The following HPSE2 variants were observed in gnomAD, a reference collection of about 807,000 sequenced individuals.
HPSE2 encodes inactive heparanase-2.
A neutral mutation model predicts 60.5 loss-of-function variants in HPSE2; 38 were observed. The ratio of observed to expected loss-of-function variants is 0.63; its 90% CI spans 0.48 to 0.82. The LOEUF is 0.82. HPSE2 is among the 40% of genes least tolerant of loss of function. HPSE2 has a pLI of 0.00. For synonymous variants in HPSE2, 295 were observed against 293.2 expected (o/e 1.01, Z -0.06); for missense variants, 713 against 740.4 (o/e 0.96, Z 0.43).
At chr10:98,832,228 G>C (rs763151933) in intron 3 of HPSE2, among the ~76,000 whole-genome samples, 2 of 152,188 alleles carry the variant, frequency 1.3e-5, no homozygotes, top group Non-Finnish European at 2.9e-5. Flanking sequence ...TCCAGAAACT[G>C]TAAAGGACTT....
intron 2 of HPSE2, among the ~76,000 whole-genome samples, chr10:99,184,817 T>C (rs2805370): frequency 0.018 from 316 of 17,196 alleles, 64 homozygotes; most frequent in South Asian, 0.049. Context: ...TATATATATA[T>C]ATAGAGAGAG....
chr10:98,709,447 A>G (rs983108190), intron 5 of HPSE2, among the ~76,000 whole-genome samples: 2 of 152,202 alleles, frequency 1.3e-5, no homozygotes, highest in Non-Finnish European at 2.9e-5. Flanking sequence ...TCCATAGCTG[A>G]ATTATGGTGA....
intron 3 of HPSE2, among the ~76,000 whole-genome samples, chr10:99,098,888 C>G (rs992834649): frequency 1.3e-5 from 2 of 152,122 alleles, no homozygotes; most frequent in African/African-American, 2.4e-5. Flanking sequence ...TAAACTAGTA[C>G]ATAAAGAGCA....
chr10:98,590,170 T>C (rs900489232), intron 9 of HPSE2, among the ~76,000 whole-genome samples: 21 of 152,220 alleles, frequency 1.4e-4, no homozygotes, highest in Non-Finnish European at 1.8e-4. Context: ...CGCCCAGGCG[T>C]GGTGGCTCAT....
At chr10:98,761,526 T>G (rs1425955934) in intron 3 of HPSE2, among the ~76,000 whole-genome samples, 1 of 152,208 alleles carries the variant, frequency 6.6e-6, no homozygotes, top group Admixed American at 6.5e-5. Context: ...ATAAACCTCC[T>G]TCTTCATTTA....
intron 3 of HPSE2, among the ~76,000 whole-genome samples, chr10:98,754,649 C>T (rs2134365266): frequency 6.6e-6 from 1 of 150,920 alleles, no homozygotes; most frequent in African/African-American, 2.4e-5. Flanking sequence ...ATCAGGCAAA[C>T]AGTGGACCTT....
chr10:98,838,241 A>G (rs1951835843), intron 3 of HPSE2, among the ~76,000 whole-genome samples: 1 of 152,150 alleles, frequency 6.6e-6, no homozygotes, highest in Non-Finnish European at 1.5e-5. Flanking sequence ...ATAACCATAG[A>G]CAAATTAATT....
At chr10:98,779,306 T>C (rs1254562613) in intron 3 of HPSE2, among the ~76,000 whole-genome samples, 1 of 152,164 alleles carries the variant, frequency 6.6e-6, no homozygotes, top group African/African-American at 2.4e-5. Flanking sequence ...TCAACTCTCT[T>C]TTCTTTCAAA....
intron 3 of HPSE2, among the ~76,000 whole-genome samples, chr10:99,142,949 C>A (rs913318022): frequency 6.6e-6 from 1 of 151,632 alleles, no homozygotes; most frequent in African/African-American, 2.4e-5. Flanking sequence ...GAAAATATTA[C>A]ACACACACAC....
the HPSE2 span, among the ~76,000 whole-genome samples, chr10:99,305,698 A>G: frequency 2.0e-5 from 3 of 152,112 alleles, no homozygotes; most frequent in African/African-American, 4.8e-5. Flanking sequence ...TATTGGAGTT[A>G]GCAGACCAGG....
intron 3 of HPSE2, among the ~76,000 whole-genome samples, chr10:98,811,525 C>T (rs550270304): frequency 8.6e-5 from 13 of 151,906 alleles, no homozygotes; most frequent in Non-Finnish European, 1.9e-4. Flanking sequence ...AAAGACAGTA[C>T]CTAGGATCAA....
intron 9 of HPSE2, among the ~76,000 whole-genome samples, chr10:98,600,602 A>T (rs1278776275): frequency 6.6e-6 from 1 of 151,950 alleles, no homozygotes; most frequent in Admixed American, 6.6e-5. Context: ...CTCATGGAGA[A>T]GGAGGAAAAA....
chr10:99,278,901 A>G, the HPSE2 span, among the ~76,000 whole-genome samples: 2 of 152,204 alleles, frequency 1.3e-5, no homozygotes, highest in Non-Finnish European at 2.9e-5. Flanking sequence ...GTGTTCTGCA[A>G]TGGAGAATAA....
intron 2 of HPSE2, among the ~76,000 whole-genome samples, chr10:99,180,190 CAT>C (rs1847704003): frequency 6.6e-6 from 1 of 152,158 alleles, no homozygotes; most frequent in Admixed American, 6.5e-5. Context: ...CCATTCAGGA[CAT>C]AGGCATGGGC....
the HPSE2 span, among the ~76,000 whole-genome samples, chr10:99,284,687 G>C: frequency 1.2e-4 from 19 of 152,130 alleles, no homozygotes; most frequent in African/African-American, 4.6e-4. Flanking sequence ...AAAAATATTT[G>C]GGTTTTTTAA....
intron 2 of HPSE2, among the ~76,000 whole-genome samples, chr10:99,188,368 A>G (rs1848104785): frequency 6.6e-6 from 1 of 152,194 alleles, no homozygotes; most frequent in Non-Finnish European, 1.5e-5. Context: ...ATGAATGAAC[A>G]TATTTATCAA....
chr10:98,667,752 A>G (rs540365255), intron 6 of HPSE2, among the ~76,000 whole-genome samples: 12 of 152,226 alleles, frequency 7.9e-5, no homozygotes, highest in Non-Finnish European at 1.5e-4. Context: ...AACCCTCAAC[A>G]GGGGCTAGGC....
chr10:98,960,874 A>C (rs1955659924), intron 3 of HPSE2, among the ~76,000 whole-genome samples: 1 of 137,008 alleles, frequency 7.3e-6, no homozygotes, highest in Non-Finnish European at 1.6e-5. Context: ...TATATCTCCC[A>C]ATGCTATCCC....
chr10:99,129,401 A>G (rs1005957461), intron 3 of HPSE2, among the ~76,000 whole-genome samples: 18 of 152,314 alleles, frequency 1.2e-4, no homozygotes, highest in African/African-American at 4.3e-4. Flanking sequence ...AAGTCTCAAT[A>G]CATTTTTTAA....
Sources: gnomAD v4.1 joint callset for allele counts (sites outside exome capture counted in the v4.1 genomes callset) on GRCh38, gnomAD v4.1.1 for gene constraint, MANE v1.5 for transcripts, NCBI Gene and HGNC (gene_info 2026-07-23, HGNC 2026-07-21) for gene names.